KCNU1: variants seen among roughly 807,000 people sequenced by gnomAD.
KCNU1 encodes the protein potassium calcium-activated channel subfamily U member 1.
Under a neutral mutation model 126.8 loss-of-function variants are expected in KCNU1, and 93 were observed. That is an observed-to-expected ratio of 0.73 (90% CI 0.62 to 0.87). The LOEUF (loss-of-function observed/expected upper bound fraction) is 0.87, where lower values mean the gene tolerates loss of function less well. Ranked by LOEUF, KCNU1 falls within the 40% of genes least tolerant of loss-of-function variation. The probability of loss-of-function intolerance (pLI) is 0.00; values close to 1 mark genes in which losing one functional copy is unlikely to be tolerated. For synonymous variants in KCNU1, 523 were observed against 494.2 expected (o/e 1.06, Z -0.77); for missense variants, 1,330 against 1,367.1 (o/e 0.97, Z 0.43).
intron 19 of KCNU1, among the ~76,000 whole-genome samples, chr8:36,880,674 G>A (rs567442012): frequency 6.6e-6 from 1 of 152,230 alleles, no homozygotes; most frequent in South Asian, 2.1e-4. Context: ...CAGTCACCCT[G>A]TTTGGGTTTC....
intron 19 of KCNU1, among the ~76,000 whole-genome samples, chr8:36,878,803 G>T (rs1344162130): frequency 6.8e-6 from 1 of 147,520 alleles, no homozygotes. Context: ...ATATATATCT[G>T]CCCTAATTGA....
rs1218839078 is a variant in KCNU1 at position 36,887,441 on chromosome 8, TG to T, written c.2010-18266del. 1.6e-4 allele frequency among the ~76,000 whole-genome samples: 21 copies of T among 129,022 alleles called. 1 individual carries two copies. The highest frequency in any genetic ancestry group is 4.4e-4 in the African/African-American group (17 of 38,436). 84.6% of individuals were successfully genotyped at this position (129,022 alleles called of 152,430 possible). On this transcript the variant is annotated intron_variant, in intron 19 of 26. Transcript: ENST00000399881. The stretch of plus-strand genomic sequence containing the variant: ...TTTTTTCACATGTTTATTGGCCATT[TG>T]TTTTTTTTTGTTTTTTTTTTTTTTT...
chr8:36,867,214 G>A (rs537975430), intron 19 of KCNU1, among the ~76,000 whole-genome samples: 10 of 152,232 alleles, frequency 6.6e-5, no homozygotes, highest in Admixed American at 3.3e-4. Context: ...AGGGGAAGAC[G>A]AGGTCAATGA....
chr8:36,910,751 T>C (rs1408880909), intron 21 of KCNU1, among the ~76,000 whole-genome samples, 179 bp from the exon 22 acceptor site: 1 of 152,160 alleles, frequency 6.6e-6, no homozygotes, highest in Non-Finnish European at 1.5e-5. Flanking sequence ...CACTAAAATA[T>C]TAATGTTTGA....
Position 36,809,462 on chromosome 8 carries a change from T to A in KCNU1, c.732+669T>A, listed in dbSNP as rs757632506. On this transcript the variant is annotated intron_variant, in intron 7 of 26. Transcript: ENST00000399881. ...CAGAATGCATAACAGGTCTTTTTTA[T>A]CTGAGCCCTTCTCTCAAAATTAATA... Among the ~76,000 whole-genome samples the A allele has an allele frequency of 1.5e-3, 236 of 152,366 alleles. 1 individual carries two copies. Among genetic ancestry groups the A allele is most frequent in the Non-Finnish European group, 2.7e-3 (185 of 68,034 alleles).
chr8:36,920,476 A>G (rs1326696261), intron 23 of KCNU1, among the ~76,000 whole-genome samples: 1 of 152,162 alleles, frequency 6.6e-6, no homozygotes, highest in Non-Finnish European at 1.5e-5. Context: ...AGGGACTTAC[A>G]GTCTTTGTTT....
intron 21 of KCNU1, among the ~76,000 whole-genome samples, chr8:36,909,775 T>C (rs1807793026): frequency 6.6e-6 from 1 of 152,186 alleles, no homozygotes; most frequent in South Asian, 2.1e-4. Flanking sequence ...AGCCAGTAAG[T>C]AACTAACAAA....
chr8:36,929,577 C>G (rs1315000995), intron 24 of KCNU1, among the ~76,000 whole-genome samples: 5 of 151,856 alleles, frequency 3.3e-5, no homozygotes, highest in Admixed American at 6.6e-5. Context: ...CCATGGAATC[C>G]CAAAGAAAGA....
intron 2 of KCNU1, among the ~76,000 whole-genome samples, chr8:36,794,063 A>G (rs1803004903): frequency 6.6e-6 from 1 of 151,582 alleles, no homozygotes; most frequent in Admixed American, 6.6e-5. Context: ...CTCAAAAAAA[A>G]AAAAAAAAAA....
intron 5 of KCNU1, 87 bp downstream of exon 5, chr8:36,806,467 T>C (rs1803507077): frequency 7.2e-6 from 5 of 697,062 alleles, no homozygotes; most frequent in Non-Finnish European, 1.2e-5. Context: ...TTTCATTTGT[T>C]CTTAATGCCT....
chr8:36,807,466 C>G lies in KCNU1; in HGVS notation c.656+16C>G, dbSNP rs185039033. On this transcript the variant is annotated intron_variant, in intron 6 of 26. Coordinates refer to ENST00000399881, the MANE Select transcript of KCNU1 (RefSeq NM_001031836.3). ...TCAAGACCAGGTAAATAGCCCTGACCGAAGTACTGCTTACTTATTAGTTTG... is the reference window on the plus strand; with the variant it reads ...TCAAGACCAGGTAAATAGCCCTGACGGAAGTACTGCTTACTTATTAGTTTG... 1 of 1,559,110 alleles carries G rather than the reference C, an allele frequency of 6.4e-7. No individual in the cohort carries two copies. The highest frequency in any genetic ancestry group is 1.4e-5 in the African/African-American group (1 of 73,798).
Position 36,853,053 on chromosome 8 carries a change from G to GA in KCNU1, c.1891+7162dup, listed in dbSNP as rs910893559. ...CAGATTTCTCCTTTCTTTAAAAAAGGAAAAAAAACTAGGCTGCCAGGTGCG... is the reference window on the plus strand; with the variant it reads ...CAGATTTCTCCTTTCTTTAAAAAAGGAAAAAAAAACTAGGCTGCCAGGTGCG... On this transcript the variant is annotated intron_variant, in intron 18 of 26. Transcript: ENST00000399881. Among the ~76,000 whole-genome samples the GA allele has an allele frequency of 1.5e-4, 23 of 151,870 alleles. 1 individual carries two copies. The highest frequency in any genetic ancestry group is 4.1e-4 in the African/African-American group (17 of 41,418).
intron 21 of KCNU1, 26 bp from the exon 22 acceptor site, chr8:36,910,904 C>T: frequency 7.4e-7 from 1 of 1,348,520 alleles, no homozygotes; most frequent in Non-Finnish European, 1.0e-6. Flanking sequence ...CCGACCAGTG[C>T]CTCCTCTCTC....
intron 2 of KCNU1, among the ~76,000 whole-genome samples, chr8:36,800,168 T>G (rs553342089): frequency 3.9e-5 from 6 of 152,308 alleles, no homozygotes; most frequent in Admixed American, 3.9e-4. Flanking sequence ...CTTTGCCTGA[T>G]CCTCCTGTTT....
chr8:36,931,280 T>C (rs997833000), intron 25 of KCNU1, 135 bp downstream of exon 25: 1 of 500,180 alleles, frequency 2.0e-6, no homozygotes, highest in Non-Finnish European at 3.5e-6. Context: ...AAAAAAAGAA[T>C]ACAAGTTTAT....
At chr8:36,880,570 A>G (rs1442106258) in intron 19 of KCNU1, among the ~76,000 whole-genome samples, 1 of 152,038 alleles carries the variant, frequency 6.6e-6, no homozygotes, top group Non-Finnish European at 1.5e-5. Flanking sequence ...CAAAAAGGAG[A>G]GAGAAAGAGG....
intron 18 of KCNU1, among the ~76,000 whole-genome samples, chr8:36,848,689 G>A (rs753623022): frequency 8.5e-5 from 13 of 152,116 alleles, no homozygotes; most frequent in South Asian, 4.1e-4. Context: ...TTCTCCCCGC[G>A]TACAGACACT....
chr8:36,821,834 C>CTT (rs3085734), intron 10 of KCNU1, among the ~76,000 whole-genome samples: 46,044 of 151,906 alleles, frequency 0.3, 7,923 homozygotes, highest in African/African-American at 0.44. Flanking sequence ...ATACTCAACA[C>CTT]TATTATAAAT....
intron 19 of KCNU1, among the ~76,000 whole-genome samples, chr8:36,894,808 C>G (rs900601156): frequency 2.6e-5 from 4 of 151,960 alleles, no homozygotes; most frequent in African/African-American, 9.7e-5. Context: ...TACATGTAGA[C>G]CAGAAACAGT....
Sources: allele counts gnomAD v4.1 joint callset (sites outside exome capture counted in the v4.1 genomes callset), GRCh38; gene constraint gnomAD v4.1.1; transcripts MANE v1.5; gene names NCBI Gene and HGNC (gene_info 2026-07-23, HGNC 2026-07-21).